Variants in MAGI3 observed in about 807,000 individuals in gnomAD.
MAGI3 encodes the protein membrane-associated guanylate kinase, WW and PDZ domain-containing protein 3.
Under a neutral mutation model 121.8 loss-of-function variants are expected in MAGI3, and 43 were observed. The observed-to-expected ratio is 0.35, with a 90% CI of 0.28 to 0.46. MAGI3 has a LOEUF of 0.46. Ranked by LOEUF, MAGI3 falls within the 20% of genes least tolerant of loss-of-function variation. MAGI3 has a pLI of 1.00. For synonymous variants in MAGI3, 553 were observed against 639.3 expected, an observed-to-expected ratio of 0.86 and a Z score of 2.04; for missense variants, 1,547 against 1,797.3, an observed-to-expected ratio of 0.86 and a Z score of 2.52.
At position 113,642,041 on chromosome 1, in the gene MAGI3, T is replaced by C; in HGVS notation, c.1491T>C (p.Pro497=). The C allele has an allele frequency of 6.2e-7, 1 of 1,614,240 alleles. No individual in the cohort carries two copies. Among genetic ancestry groups the C allele is most frequent in the Non-Finnish European group, 8.5e-7 (1 of 1,180,046 alleles). The part of the protein sequence containing the change: ...NLTLCRGYPL[P]DDSEDPVVDI... ...CTTTATGTCGTGGTTATCCACTTCC[T>C]GATGACAGTGAAGATCCTGTTGTGG... The change falls in exon 10 of 21, where the codon CCT becomes CCC. Residue 497 remains proline, a synonymous_variant. Transcript: ENST00000307546.
At chr1:113,600,030 G>A (rs1018354589) in intron 6 of MAGI3, among the ~76,000 whole-genome samples, 3 of 152,278 alleles carry the variant, frequency 2.0e-5, no homozygotes, top group East Asian at 1.9e-4. Flanking sequence ...AGCCCTTCAT[G>A]CTAAAAACTC....
chr1:113,439,284 G>C (rs1410247314), intron 1 of MAGI3, among the ~76,000 whole-genome samples: 2 of 152,152 alleles, frequency 1.3e-5, no homozygotes, highest in African/African-American at 2.4e-5. Flanking sequence ...AATATTTTTG[G>C]ACCAATATTG....
chr1:113,395,070 C>G (rs922017639), intron 1 of MAGI3, among the ~76,000 whole-genome samples: 5 of 70,914 alleles, frequency 7.1e-5, no homozygotes, highest in African/African-American at 1.1e-4. Context: ...TTTCTTATCT[C>G]TTGAATCTTT....
At chr1:113,506,067 G>A (rs1045394240) in intron 1 of MAGI3, among the ~76,000 whole-genome samples, 13 of 152,256 alleles carry the variant, frequency 8.5e-5, no homozygotes, top group Admixed American at 2.6e-4. Flanking sequence ...TATAAGAGGA[G>A]AAGCAAGAAA....
At chr1:113,668,555 C>CA (rs1194678635) in intron 16 of MAGI3, among the ~76,000 whole-genome samples, 1 of 137,068 alleles carries the variant, frequency 7.3e-6, no homozygotes, top group African/African-American at 2.7e-5. Context: ...AACAAAACAA[C>CA]AAAAAACATG....
chr1:113,511,633 T>G lies in MAGI3; in HGVS notation c.317-37882T>G, dbSNP rs149511194. 9.2e-5 allele frequency among the ~76,000 whole-genome samples: 14 copies of G among 152,358 alleles called. No homozygotes were observed. In the East Asian group the frequency reaches 2.7e-3, roughly 29 times the overall value. ...CTAAGCTAACTTGATTGGCTAAGGT[T>G]TAAAATTGAATACAGTTAATTTCCA... is the stretch of plus-strand genomic sequence containing the variant. On this transcript the variant is annotated intron_variant, in intron 1 of 20. Transcript: ENST00000307546.
At chr1:113,576,497 A>G (rs893499030) in intron 2 of MAGI3, among the ~76,000 whole-genome samples, 3 of 152,070 alleles carry the variant, frequency 2.0e-5, no homozygotes, top group Non-Finnish European at 2.9e-5. Flanking sequence ...CCCACTGTCT[A>G]ACCAGTCCCA....
intron 9 of MAGI3, among the ~76,000 whole-genome samples, chr1:113,628,575 C>T (rs1651392761): frequency 6.6e-6 from 1 of 152,126 alleles, no homozygotes; most frequent in African/African-American, 2.4e-5. Context: ...TGAAGAACCC[C>T]CTTTAGCATT....
chr1:113,440,087 C>A (rs12145834), intron 1 of MAGI3, among the ~76,000 whole-genome samples: 7,903 of 152,146 alleles, frequency 0.052, 250 homozygotes, highest in Non-Finnish European at 0.074. Flanking sequence ...CTCTGTTTCC[C>A]CCCTTTAAAA....
At chr1:113,602,345 A>G (rs1414251241) in intron 6 of MAGI3, among the ~76,000 whole-genome samples, 1 of 152,214 alleles carries the variant, frequency 6.6e-6, no homozygotes, top group Admixed American at 6.5e-5. Flanking sequence ...TGGAAATTAA[A>G]CAGTCTGCTC....
At position 113,683,857 on chromosome 1, in the gene MAGI3, A is replaced by G. The variant is rs558774230; in HGVS notation, c.4289A>G (p.Lys1430Arg). 1.1e-5 allele frequency: 17 copies of G among 1,612,628 alleles called. No homozygotes were observed. Among genetic ancestry groups the G allele is most frequent in the Admixed American group, 5.0e-5 (3 of 59,856 alleles). The change falls in exon 21 of 21, where the codon AAA becomes AGA. Residue 1430 changes from lysine to arginine, a missense_variant. Physicochemically the swap from Lys to Arg is conservative, Grantham distance 26. Coordinates refer to ENST00000307546, the MANE Select transcript of MAGI3 (RefSeq NM_001142782.2). ...VSNKTEDHKGKELEAADKNKE... is the reference protein window; with the variant it reads ...VSNKTEDHKGRELEAADKNKE... ...AACAAAACAGAAGATCACAAAGGGA[A>G]AGAACTAGAGGCAGCTGACAAAAAC...
intron 1 of MAGI3, among the ~76,000 whole-genome samples, chr1:113,473,746 T>C (rs1201381839): frequency 6.6e-6 from 1 of 152,212 alleles, no homozygotes; most frequent in Non-Finnish European, 1.5e-5. Flanking sequence ...TGTGTCTTTA[T>C]AGCAGCATGA....
At chr1:113,412,704 G>C (rs910701848) in intron 1 of MAGI3, among the ~76,000 whole-genome samples, 1 of 150,612 alleles carries the variant, frequency 6.6e-6, no homozygotes, top group Non-Finnish European at 1.5e-5. Context: ...TCCTCTGCCC[G>C]CTTTTTGGTG....
At chr1:113,672,368 T>C (rs556644610) in intron 17 of MAGI3, among the ~76,000 whole-genome samples, 2 of 152,278 alleles carry the variant, frequency 1.3e-5, no homozygotes, top group African/African-American at 4.8e-5. Context: ...TTTTCTTTGA[T>C]ATAAACTGCT....
At chr1:113,413,696 T>C (rs1652132911) in intron 1 of MAGI3, among the ~76,000 whole-genome samples, 1 of 152,178 alleles carries the variant, frequency 6.6e-6, no homozygotes, top group African/African-American at 2.4e-5. Flanking sequence ...TAATGGTGTA[T>C]AGGAATGCCT....
intron 1 of MAGI3, among the ~76,000 whole-genome samples, chr1:113,525,690 G>A (rs1267528472): frequency 6.6e-6 from 1 of 151,764 alleles, no homozygotes; most frequent in African/African-American, 2.4e-5. Flanking sequence ...AAATAATGGA[G>A]ATAATTTGGG....
At chr1:113,586,650 C>T (rs560151032) in intron 4 of MAGI3, among the ~76,000 whole-genome samples, 12 of 152,136 alleles carry the variant, frequency 7.9e-5, no homozygotes, top group Admixed American at 6.5e-4. Flanking sequence ...CTCATCACAC[C>T]GTTGAGCCTT....
intron 1 of MAGI3, among the ~76,000 whole-genome samples, chr1:113,447,138 A>G (rs970306082): frequency 3.3e-5 from 5 of 152,226 alleles, no homozygotes; most frequent in Non-Finnish European, 5.9e-5. Flanking sequence ...AAAATGATTA[A>G]TATGTTAACT....
At chr1:113,643,891 C>T in intron 11 of MAGI3, 117 bp downstream of exon 11, 1 of 1,088,224 alleles carries the variant, frequency 9.2e-7, no homozygotes, top group Non-Finnish European at 1.4e-6. Context: ...AGTTAGGAGG[C>T]ATGCTGCCCT....
Sources: allele counts gnomAD v4.1 joint callset (sites outside exome capture counted in the v4.1 genomes callset), GRCh38; gene constraint gnomAD v4.1.1; transcripts MANE v1.5; gene names NCBI Gene and HGNC (gene_info 2026-07-23, HGNC 2026-07-21).